The following SEMA3A variants were observed in gnomAD, a reference collection of about 807,000 sequenced individuals.
SEMA3A encodes semaphorin-3A.
In SEMA3A, 29 loss-of-function variants were observed where a neutral mutation model predicts 97.9. That is an observed-to-expected ratio of 0.30 (90% CI 0.22 to 0.40). The LOEUF (loss-of-function observed/expected upper bound fraction) is 0.40. SEMA3A is among the 10% of genes least tolerant of loss of function. The pLI is 1.00. For missense variants in SEMA3A, 763 were observed against 951.3 expected, an observed-to-expected ratio of 0.80 and a Z score of 2.60; for synonymous variants, 321 against 323.7, an observed-to-expected ratio of 0.99 and a Z score of 0.09.
chr7:83,973,349 G>A (rs1788996846), intron 15 of SEMA3A, among the ~76,000 whole-genome samples: 1 of 151,614 alleles, frequency 6.6e-6, no homozygotes, highest in Admixed American at 6.6e-5. Flanking sequence ...CCAGTTTGAT[G>A]CTGGGATCAT....
intron 3 of SEMA3A, among the ~76,000 whole-genome samples, chr7:84,216,199 T>C (rs550602911): frequency 1.3e-3 from 196 of 152,166 alleles, no homozygotes; most frequent in Non-Finnish European, 2.4e-3. Context: ...CTCTGCCTCC[T>C]GGGTTCAAGC....
intron 4 of SEMA3A, among the ~76,000 whole-genome samples, chr7:84,089,680 T>C (rs1794501710): frequency 6.6e-6 from 1 of 152,070 alleles, no homozygotes; most frequent in Admixed American, 6.6e-5. Context: ...GCTTCTTTTA[T>C]AAATTGATTG....
At position 84,224,842 on chromosome 7, in the gene SEMA3A, T is replaced by G. The variant is rs189651005; in HGVS notation, c.-82-30174A>C. 1.3e-4 allele frequency among the ~76,000 whole-genome samples: 20 copies of G among 152,174 alleles called. No homozygotes were observed. In the East Asian group the frequency reaches 3.9e-3, roughly 29 times the overall value. On this transcript the variant is annotated intron_variant, in intron 3 of 3. Coordinates refer to the SEMA3A transcript ENST00000424555. ...CTGGTAACTCTACATAGAAGTTAAC[T>G]GATTCATTGGTTTTTCCCTAGAATC...
intron 1 of SEMA3A, among the ~76,000 whole-genome samples, chr7:84,154,509 C>G (rs529390948): frequency 6.6e-6 from 1 of 151,880 alleles, no homozygotes; most frequent in Non-Finnish European, 1.5e-5. Context: ...AACCCCGTCT[C>G]TACTAAAAAT....
chr7:84,024,278 G>C (rs748744020), intron 6 of SEMA3A, among the ~76,000 whole-genome samples: 1 of 152,140 alleles, frequency 6.6e-6, no homozygotes, highest in Non-Finnish European at 1.5e-5. Flanking sequence ...GGTGGCTCAC[G>C]CCTGTAATCC....
intron 5 of SEMA3A, among the ~76,000 whole-genome samples, 198 bp from the exon 6 acceptor site, chr7:84,046,641 A>T (rs1362432001): frequency 6.6e-6 from 1 of 150,420 alleles, no homozygotes; most frequent in East Asian, 1.9e-4. Flanking sequence ...GTATTTTATC[A>T]AATACTTATT....
At chr7:84,036,612 A>T (rs1739564011) in intron 6 of SEMA3A, among the ~76,000 whole-genome samples, 1 of 152,156 alleles carries the variant, frequency 6.6e-6, no homozygotes, top group Admixed American at 6.6e-5. Flanking sequence ...TGAGAATATA[A>T]AAATACTTAC....
chr7:84,317,678 C>G (rs940684310), intron 2 of SEMA3A, among the ~76,000 whole-genome samples: 3 of 152,104 alleles, frequency 2.0e-5, no homozygotes, highest in Admixed American at 6.5e-5. Context: ...CCATACTTGA[C>G]TATTCCTTGT....
At chr7:84,329,221 C>A (rs189836990) in intron 2 of SEMA3A, among the ~76,000 whole-genome samples, 2 of 152,048 alleles carry the variant, frequency 1.3e-5, no homozygotes, top group Admixed American at 6.6e-5. Context: ...GGCAGTAAAA[C>A]ATTGAGTGTT....
intron 3 of SEMA3A, among the ~76,000 whole-genome samples, chr7:84,206,360 T>A (rs1798494681): frequency 1.3e-5 from 2 of 149,084 alleles, no homozygotes; most frequent in Admixed American, 1.3e-4. Flanking sequence ...TCTGGCTCTG[T>A]CGCCCAGGCT....
intron 1 of SEMA3A, among the ~76,000 whole-genome samples, chr7:84,389,253 C>T (rs1803479253): frequency 6.6e-6 from 1 of 151,894 alleles, no homozygotes; most frequent in South Asian, 2.1e-4. Context: ...TGGAGTCATC[C>T]CACTCATGAA....
intron 1 of SEMA3A, among the ~76,000 whole-genome samples, chr7:84,469,768 G>T (rs543895123): frequency 6.6e-6 from 1 of 151,902 alleles, no homozygotes. Flanking sequence ...TTTACAAAAT[G>T]GTTTAATTAC....
At chr7:83,988,124 G>T (rs1031705433) in intron 12 of SEMA3A, among the ~76,000 whole-genome samples, 1 of 151,954 alleles carries the variant, frequency 6.6e-6, no homozygotes, top group Middle Eastern at 3.2e-3. Flanking sequence ...TCATCCTCCA[G>T]CCACTCCTAA....
chr7:84,091,886 G>C (rs1331046776), intron 4 of SEMA3A, among the ~76,000 whole-genome samples: 1 of 152,088 alleles, frequency 6.6e-6, no homozygotes, highest in Non-Finnish European at 1.5e-5. Context: ...AAATCAGTAA[G>C]TTATGAACAA....
intron 1 of SEMA3A, among the ~76,000 whole-genome samples, chr7:84,383,648 C>T (rs938334019): frequency 1.3e-4 from 20 of 152,084 alleles, no homozygotes; most frequent in Non-Finnish European, 1.9e-4. Flanking sequence ...AGATTGCCAT[C>T]CAAATTTCTG....
intron 1 of SEMA3A, among the ~76,000 whole-genome samples, chr7:84,448,917 T>A (rs1435517524): frequency 6.6e-6 from 1 of 152,092 alleles, no homozygotes; most frequent in Non-Finnish European, 1.5e-5. Flanking sequence ...AAAACTACAA[T>A]AACCACAACA....
intron 4 of SEMA3A, among the ~76,000 whole-genome samples, chr7:84,106,738 TATG>T (rs1360695953): frequency 6.6e-6 from 1 of 152,180 alleles, no homozygotes; most frequent in African/African-American, 2.4e-5. Context: ...TTCTGCCATA[TATG>T]ATGATAAGTC....
At chr7:84,029,838 C>T (rs1534073) in intron 6 of SEMA3A, among the ~76,000 whole-genome samples, 41,726 of 150,664 alleles carry the variant, frequency 0.28, 6,215 homozygotes, top group East Asian at 0.57. Flanking sequence ...CACACACACA[C>T]ATTTTAGAAA....
At position 84,156,297 on chromosome 7, in the gene SEMA3A, C is replaced by T. The variant is rs116603075; in HGVS notation, c.113-21346G>A. Among the ~76,000 whole-genome samples, 572 of 152,136 alleles carry T rather than the reference C, an allele frequency of 3.8e-3. 4 individuals are homozygous for T. The highest frequency in any genetic ancestry group is 0.013 in the African/African-American group (551 of 41,474). Reference sequence around the variant, plus strand: ...TATGACAACAACTTGTTTATTTAGACTCAGTCAAATTTGAAGTCTCCACTG... The same window carrying T: ...TATGACAACAACTTGTTTATTTAGATTCAGTCAAATTTGAAGTCTCCACTG... On this transcript the variant is annotated intron_variant, in intron 1 of 16. Coordinates refer to ENST00000265362, the MANE Select transcript of SEMA3A (RefSeq NM_006080.3).
Sources: allele counts gnomAD v4.1 joint callset (sites outside exome capture counted in the v4.1 genomes callset), GRCh38; gene constraint gnomAD v4.1.1; transcripts MANE v1.5; gene names NCBI Gene and HGNC (gene_info 2026-07-23, HGNC 2026-07-21).